The following SEPTIN9 variants were observed in gnomAD, a reference collection of about 807,000 sequenced individuals.
SEPTIN9 encodes the protein septin-9.
SEPTIN9 carries 13 observed loss-of-function variants against 56.6 expected under a neutral mutation model. The ratio of observed to expected loss-of-function variants is 0.23; its 90% confidence interval spans 0.15 to 0.37. The LOEUF is 0.37. Ranked by LOEUF, SEPTIN9 falls within the 10% of genes least tolerant of loss-of-function variation. The probability of loss-of-function intolerance (pLI) is 1.00; values close to 1 mark genes in which losing one functional copy is unlikely to be tolerated. For missense variants in SEPTIN9, 650 were observed against 823.1 expected (o/e 0.79, Z 2.57); for synonymous variants, 332 against 334.1 (o/e 0.99, Z 0.07).
At chr17:77,390,120 C>T (rs1458617135) in intron 2 of SEPTIN9, among the ~76,000 whole-genome samples, 3 of 151,948 alleles carry the variant, frequency 2.0e-5, no homozygotes, top group Non-Finnish European at 2.9e-5. Context: ...GCCCTGTGAG[C>T]GGTGGCCTCC....
chr17:77,441,176 T>C (rs557530899), intron 3 of SEPTIN9, among the ~76,000 whole-genome samples: 10 of 152,136 alleles, frequency 6.6e-5, no homozygotes, highest in Non-Finnish European at 1.0e-4. Flanking sequence ...GCTTCTTAGT[T>C]TGCCATGAGT....
intron 1 of SEPTIN9, among the ~76,000 whole-genome samples, chr17:77,298,385 G>A (rs754179024): frequency 4.6e-5 from 7 of 152,162 alleles, no homozygotes; most frequent in Non-Finnish European, 8.8e-5. Context: ...CTTTAGCCAC[G>A]GGCCAGGACA....
intron 1 of SEPTIN9, among the ~76,000 whole-genome samples, chr17:77,283,677 C>T (rs747533195): frequency 9.2e-5 from 14 of 152,234 alleles, no homozygotes; most frequent in Middle Eastern, 3.4e-3. Context: ...TCAGAATAAA[C>T]GGAATGACCA....
intron 2 of SEPTIN9, among the ~76,000 whole-genome samples, chr17:77,363,482 C>A (rs9909752): frequency 6.8e-6 from 1 of 146,938 alleles, no homozygotes; most frequent in South Asian, 2.2e-4. Context: ...CTGCCTCCTG[C>A]GTTCAAGCAA....
rs1350294463 is a variant in SEPTIN9 at position 77,453,414 on chromosome 17, T to C, written c.722-28730T>C. ...TGAGGTCAAGAGTTCGAGACCAGCC[T>C]GGCCAACATGGTGAAACCCTGTCTC... is the stretch of plus-strand genomic sequence containing the variant. On this transcript the variant is annotated intron_variant, in intron 3 of 11. Transcript: ENST00000427177. The surrounding 1 kb of genome is among the most constrained non-coding windows in gnomAD (Gnocchi z 4.4). Among the ~76,000 whole-genome samples, 1 of 152,092 alleles carries C rather than the reference T, an allele frequency of 6.6e-6. No individual in the cohort carries two copies. Among genetic ancestry groups the C allele is most frequent in the African/African-American group, 2.4e-5 (1 of 41,402 alleles).
intron 3 of SEPTIN9, among the ~76,000 whole-genome samples, chr17:77,463,139 C>G (rs11652664): frequency 6.6e-6 from 1 of 152,112 alleles, no homozygotes; most frequent in African/African-American, 2.4e-5. Context: ...GCACCTCTTA[C>G]GTGAGGGGCT....
intron 2 of SEPTIN9, among the ~76,000 whole-genome samples, chr17:77,390,623 T>C (rs1363536357): frequency 1.3e-5 from 2 of 151,766 alleles, no homozygotes; most frequent in Non-Finnish European, 2.9e-5. Flanking sequence ...GGCTAATTTT[T>C]TGTGTTTTTA....
intron 3 of SEPTIN9, among the ~76,000 whole-genome samples, chr17:77,481,371 T>C (rs988751466): frequency 1.3e-5 from 2 of 151,416 alleles, no homozygotes; most frequent in Non-Finnish European, 2.9e-5. Flanking sequence ...GCCGCCTGGG[T>C]CAGTCCAGGG....
At chr17:77,373,058 A>T in intron 2 of SEPTIN9, 1 of 391,570 alleles carries the variant, frequency 2.6e-6, no homozygotes, top group Non-Finnish European at 3.5e-6. Context: ...ATCTGGCCGC[A>T]GCGGGGCGCC....
At chr17:77,328,368 TTTG>T (rs926669578) in intron 2 of SEPTIN9, among the ~76,000 whole-genome samples, 27 of 152,294 alleles carry the variant, frequency 1.8e-4, no homozygotes, top group Middle Eastern at 3.4e-3. Flanking sequence ...TGGCAAATGT[TTTG>T]TTGTTGTTGT....
In SEPTIN9 at chr17:77,429,035, A is replaced by G. The variant is rs1431030903; in HGVS notation, c.721+26332A>G. The stretch of plus-strand genomic sequence containing the variant: ...CCGGTGAGAATGGGAGCATCTCAGC[A>G]GCCCTCCGCCCCCTGCTCCTGGTTG... On this transcript the variant is annotated intron_variant, in intron 3 of 11. Transcript: ENST00000427177. The surrounding 1 kb of genome is among the most constrained non-coding windows in gnomAD (Gnocchi z 5.2). 2.1e-6 allele frequency: 1 copy of G among 471,416 alleles called. No individual in the cohort carries two copies. Among genetic ancestry groups the G allele is most frequent in the Non-Finnish European group, 4.4e-6 (1 of 227,152 alleles). 29.2% of individuals were successfully genotyped at this position (471,416 alleles called of 1,614,324 possible).
rs778696906 is a variant in SEPTIN9, at chr17:77,402,505, G to T, written c.523G>T (p.Val175Leu). The change falls in exon 3 of 12, where the codon GTG (valine) becomes TTG (leucine). Residue 175 changes from valine (V) to leucine (L), a missense_variant. Around this residue, in one of 2 missense-constraint regions of SEPTIN9, gnomAD observed 317 missense variants for 329.1 expected, o/e 0.96. Coordinates refer to ENST00000427177, the MANE Select transcript of SEPTIN9 (RefSeq NM_001113491.2). The surrounding 1 kb of genome is among the most constrained non-coding windows in gnomAD (Gnocchi z 6.6). ...GCCCCCTGCCTCCAAGGTCCCCGAG[G>T]TGCCCACTGCCCCTGCCACCGACGC... ...MEPPASKVPE[V>L]PTAPATDAAP... 6.2e-7 allele frequency: 1 copy of T among 1,603,808 alleles called. No homozygotes were observed. Among genetic ancestry groups the T allele is most frequent in the Non-Finnish European group, 8.5e-7 (1 of 1,175,752 alleles).
At chr17:77,489,006 G>T (rs1340473161) in intron 7 of SEPTIN9, 142 bp downstream of exon 7, 2 of 1,082,096 alleles carry the variant, frequency 1.8e-6, no homozygotes, top group Non-Finnish European at 2.6e-6. Flanking sequence ...CTATGAAGTT[G>T]GGGGTGTGCC....
intron 1 of SEPTIN9, among the ~76,000 whole-genome samples, chr17:77,304,447 G>A (rs1370452868): frequency 2.0e-5 from 3 of 152,200 alleles, no homozygotes; most frequent in Non-Finnish European, 4.4e-5. Context: ...GAGAGAGTGG[G>A]CCAGCATGTT....
rs1455602913 is a variant in SEPTIN9, at chr17:77,429,385, A to G, written c.721+26682A>G. The G allele has an allele frequency of 2.3e-6, 1 of 428,500 alleles. No individual in the cohort carries two copies. Among genetic ancestry groups the G allele is most frequent in the Non-Finnish European group, 4.9e-6 (1 of 202,554 alleles). The allele number at this position is 428,500 out of a possible 1,614,324, so 26.5% of individuals were successfully genotyped here. A position where few individuals can be genotyped will look rare whatever the true frequency, so the allele number is the denominator to read the frequency against. ...CTCTCGCAGGTTGCAAAATGGGGAC[A>G]TCACCGTCCGCCTGGGCTACAGCGT... On this transcript the variant is annotated intron_variant, in intron 3 of 11. Coordinates refer to ENST00000427177, the MANE Select transcript of SEPTIN9 (RefSeq NM_001113491.2). The surrounding 1 kb of genome is among the most constrained non-coding windows in gnomAD (Gnocchi z 5.2).
chr17:77,413,907 C>G (rs540211388), intron 3 of SEPTIN9, among the ~76,000 whole-genome samples: 27 of 150,626 alleles, frequency 1.8e-4, no homozygotes, highest in African/African-American at 6.6e-4. Context: ...GGAATTCTTA[C>G]CTTTACCATG....
intron 2 of SEPTIN9, among the ~76,000 whole-genome samples, chr17:77,347,525 A>G (rs750779630): frequency 6.6e-6 from 1 of 151,954 alleles, no homozygotes; most frequent in Non-Finnish European, 1.5e-5. Flanking sequence ...CGATGAACTG[A>G]TCATTTAACC....
chr17:77,335,844 T>C (rs11869084), intron 2 of SEPTIN9, among the ~76,000 whole-genome samples: 4 of 70,462 alleles, frequency 5.7e-5, no homozygotes, highest in Non-Finnish European at 5.2e-5. Flanking sequence ...ATGTAGGCCC[T>C]ATGTTGACTG....
At chr17:77,361,073 A>C (rs1472553031) in intron 2 of SEPTIN9, among the ~76,000 whole-genome samples, 1 of 151,476 alleles carries the variant, frequency 6.6e-6, no homozygotes, top group Non-Finnish European at 1.5e-5. Context: ...ACAGGTGCCC[A>C]CCACCACGTC....
Sources: allele counts gnomAD v4.1 joint callset (sites outside exome capture counted in the v4.1 genomes callset), GRCh38; gene constraint gnomAD v4.1.1; regional missense constraint gnomAD v4.1.1; non-coding constraint Gnocchi (gnomAD v3.1); transcripts MANE v1.5; gene names NCBI Gene and HGNC (gene_info 2026-07-23, HGNC 2026-07-21).